The following GSG1L variants were observed in gnomAD, a reference collection of about 807,000 sequenced individuals.
The protein encoded by GSG1L is GSG1 like, also known as germ cell-specific gene 1-like protein.
GSG1L carries 24 observed loss-of-function variants against 42.1 expected under a neutral mutation model. That is an observed-to-expected ratio of 0.57 (90% confidence interval 0.41 to 0.80). The LOEUF is 0.80. Among genes scored for constraint, GSG1L ranks in the 30% least tolerant of loss-of-function variants. The pLI is 0.00. For missense variants in GSG1L, 445 were observed against 472.2 expected (o/e 0.94, Z 0.53); for synonymous variants, 215 against 203.5 (o/e 1.06, Z -0.48).
At chr16:28,042,951 G>A (rs1284681552) in intron 1 of GSG1L, among the ~76,000 whole-genome samples, 4 of 152,126 alleles carry the variant, frequency 2.6e-5, no homozygotes, top group Admixed American at 1.3e-4. Flanking sequence ...AAATGCAAAC[G>A]CAGAGCGAAA....
chr16:27,844,455 C>T lies in GSG1L; in HGVS notation c.662+495G>A, dbSNP rs531003863. ...CTTCCATCTCCAACCTTCCATAGCA[C>T]GCCTCTTAGGCAGGGGTCGGCAGGG... On this transcript the variant is annotated intron_variant, in intron 4 of 6. Transcript: ENST00000447459. Among the ~76,000 whole-genome samples the T allele has an allele frequency of 1.3e-3, 193 of 152,232 alleles. 2 individuals are homozygous for T. The South Asian group carries it at 0.027, about 21-fold the overall frequency.
chr16:27,823,649 A>AGT (rs2083173562), intron 5 of GSG1L, among the ~76,000 whole-genome samples: 1 of 152,084 alleles, frequency 6.6e-6, no homozygotes, highest in Non-Finnish European at 1.5e-5. Flanking sequence ...TGTCCCACAG[A>AGT]ATGCATCATA....
intron 3 of GSG1L, among the ~76,000 whole-genome samples, chr16:27,856,632 T>C (rs1254174637): frequency 2.7e-4 from 41 of 152,206 alleles, no homozygotes; most frequent in Admixed American, 2.6e-3. Context: ...ATTTTTACAA[T>C]GGTAATTTCT....
At position 27,942,921 on chromosome 16, in the gene GSG1L, C is replaced by T. The variant is rs901331643; in HGVS notation, c.397+20235G>A. ...TTCCACATCTGGGTAGATGCGAAAC[C>T]AGTGGTTCTCAGACTGGAGTATGCA... On this transcript the variant is annotated intron_variant, in intron 2 of 6. Transcript: ENST00000447459. Among the ~76,000 whole-genome samples, 76 of 152,158 alleles carry T rather than the reference C, an allele frequency of 5.0e-4. 1 individual carries two copies. The highest frequency in any genetic ancestry group is 9.8e-4 in the Non-Finnish European group (67 of 68,030).
At chr16:27,808,488 G>A (rs1329780860) in intron 5 of GSG1L, among the ~76,000 whole-genome samples, 6 of 150,300 alleles carry the variant, frequency 4.0e-5, no homozygotes, top group African/African-American at 9.8e-5. Flanking sequence ...GCACGGTCTC[G>A]GCTCACTGCA....
chr16:27,903,922 C>T (rs757072997), intron 2 of GSG1L, among the ~76,000 whole-genome samples: 4 of 152,148 alleles, frequency 2.6e-5, no homozygotes, highest in African/African-American at 7.2e-5. Context: ...CCCTCACTTT[C>T]GACCCTGTCT....
At chr16:27,928,406 G>C (rs561059569) in intron 2 of GSG1L, among the ~76,000 whole-genome samples, 6 of 152,180 alleles carry the variant, frequency 3.9e-5, no homozygotes, top group Admixed American at 1.3e-4. Flanking sequence ...GCCTCTGAGC[G>C]ACACTCCTGT....
rs149811324 is a variant in GSG1L, at chr16:28,004,704, G to A, written c.350-41501C>T. On this transcript the variant is annotated intron_variant, in intron 1 of 6. Coordinates refer to ENST00000447459, the MANE Select transcript of GSG1L (RefSeq NM_001109763.2). ...GGGGCAGGAAGTTTGCTTAAACCCAGGAGGTGGAAGCCGCAGTGAGCTATG... is the reference window on the plus strand; with the variant it reads ...GGGGCAGGAAGTTTGCTTAAACCCAAGAGGTGGAAGCCGCAGTGAGCTATG... Among the ~76,000 whole-genome samples, 1,464 of 152,202 alleles carry A rather than the reference G, an allele frequency of 9.6e-3. 15 individuals carry two copies. Among genetic ancestry groups the A allele is most frequent in the Admixed American group, 0.015 (235 of 15,272 alleles).
chr16:27,803,773 A>C (rs57452866), intron 6 of GSG1L, among the ~76,000 whole-genome samples: 2,393 of 64,150 alleles, frequency 0.037, 114 homozygotes, highest in East Asian at 0.25. Context: ...AGACATATAT[A>C]TATATATATA....
At chr16:28,017,319 G>A (rs1315773566) in intron 1 of GSG1L, among the ~76,000 whole-genome samples, 1 of 152,214 alleles carries the variant, frequency 6.6e-6, no homozygotes, top group African/African-American at 2.4e-5. Context: ...AACATACCCA[G>A]GACCAAATGT....
intron 1 of GSG1L, among the ~76,000 whole-genome samples, chr16:28,013,503 G>A (rs1485242928): frequency 6.6e-6 from 1 of 152,214 alleles, no homozygotes; most frequent in African/African-American, 2.4e-5. Flanking sequence ...GCCCAGAACA[G>A]TGCTTGGCAG....
intron 4 of GSG1L, among the ~76,000 whole-genome samples, chr16:27,831,901 C>A (rs908938917): frequency 6.6e-6 from 1 of 152,198 alleles, no homozygotes; most frequent in African/African-American, 2.4e-5. Context: ...ACCTACCTCC[C>A]CCATTGCCTT....
intron 3 of GSG1L, among the ~76,000 whole-genome samples, chr16:27,880,419 G>A (rs527818780): frequency 1.3e-5 from 2 of 152,070 alleles, no homozygotes; most frequent in Non-Finnish European, 2.9e-5. Context: ...TTGTCCTCCC[G>A]CCTGGTCACT....
chr16:27,948,984 C>T (rs914411095), intron 2 of GSG1L, among the ~76,000 whole-genome samples: 24 of 151,242 alleles, frequency 1.6e-4, no homozygotes, highest in Non-Finnish European at 2.9e-4. Flanking sequence ...GTGGCTCAAT[C>T]ATGGCTCACT....
At chr16:28,014,779 A>T (rs1268941958) in intron 1 of GSG1L, among the ~76,000 whole-genome samples, 1 of 150,828 alleles carries the variant, frequency 6.6e-6, no homozygotes, top group African/African-American at 2.4e-5. Context: ...GATTACAGGC[A>T]TTAACCACCG....
chr16:27,853,610 G>A (rs1220429281), intron 3 of GSG1L, among the ~76,000 whole-genome samples: 1 of 152,152 alleles, frequency 6.6e-6, no homozygotes, highest in Non-Finnish European at 1.5e-5. Context: ...TTTCTCCAAA[G>A]GTCCCCTTTT....
At chr16:27,833,375 C>A (rs1369554296) in intron 4 of GSG1L, among the ~76,000 whole-genome samples, 22 of 152,076 alleles carry the variant, frequency 1.4e-4, no homozygotes, top group Admixed American at 1.4e-3. Flanking sequence ...CCACTAATAT[C>A]ACACAGTCTG....
intron 1 of GSG1L, among the ~76,000 whole-genome samples, chr16:28,017,537 G>C (rs1004743251): frequency 2.0e-5 from 3 of 152,324 alleles, no homozygotes; most frequent in Non-Finnish European, 2.9e-5. Flanking sequence ...GAGCAGACGG[G>C]TTGGTGATGG....
intron 2 of GSG1L, among the ~76,000 whole-genome samples, chr16:27,914,857 G>A (rs1596610107): frequency 2.0e-5 from 3 of 152,178 alleles, no homozygotes; most frequent in Admixed American, 1.3e-4. Context: ...TAAATATCTT[G>A]CAGATTGCCC....
Sources: allele counts gnomAD v4.1 joint callset (sites outside exome capture counted in the v4.1 genomes callset), GRCh38; gene constraint gnomAD v4.1.1; transcripts MANE v1.5; gene names NCBI Gene and HGNC (gene_info 2026-07-23, HGNC 2026-07-21).